LYG2: variants seen among roughly 807,000 people sequenced by gnomAD.
The protein encoded by LYG2 is lysozyme g-like protein 2.
In LYG2, 25 loss-of-function variants were observed where a neutral mutation model predicts 22.4. The observed-to-expected ratio is 1.12, with a 90% CI of 0.81 to 1.56. The LOEUF is 1.56. Ranked by LOEUF, LYG2 falls within the 40% of genes most tolerant of loss-of-function variation. The pLI is 0.00. For synonymous variants in LYG2, 88 were observed against 97.0 expected, an observed-to-expected ratio of 0.91 and a Z score of 0.55; for missense variants, 266 against 269.5, an observed-to-expected ratio of 0.99 and a Z score of 0.09.
rs774659511 is a variant in LYG2 at position 99,243,920 on chromosome 2, CAGGG to C, written c.520+75_520+78del. ...ACTGCTGACCCCGTGGAAATGCTCC[CAGGG>C]AGTCTCGGGTCACACTGGCCTTCAG... On this transcript the variant is annotated intron_variant, in intron 6 of 6. Coordinates refer to ENST00000333017, the MANE Select transcript of LYG2 (RefSeq NM_175735.4). 1.9e-6 allele frequency: 3 copies of C among 1,554,766 alleles called. No individual in the cohort carries two copies. The African/African-American group carries it at 4.1e-5, about 21-fold the overall frequency.
intron 6 of LYG2, chr2:99,243,559 G>T (rs2105269580): frequency 1.4e-6 from 2 of 1,405,266 alleles, no homozygotes; most frequent in Admixed American, 4.1e-5. Flanking sequence ...TTTGAGAGAT[G>T]GGGTCTCACT....
chr2:99,252,920 G>A (rs970245089), intron 3 of LYG2, among the ~76,000 whole-genome samples: 3 of 151,934 alleles, frequency 2.0e-5, no homozygotes, highest in South Asian at 2.1e-4. Context: ...GATGGTGGGC[G>A]CCTGTAGTCC....
At chr2:99,252,794 C>A (rs908997414) in intron 3 of LYG2, among the ~76,000 whole-genome samples, 1 of 151,794 alleles carries the variant, frequency 6.6e-6, no homozygotes, top group South Asian at 2.1e-4. Context: ...CACCTATAAT[C>A]CCAGCACTTT....
intron 3 of LYG2, among the ~76,000 whole-genome samples, chr2:99,247,099 TC>T (rs2094017369): frequency 6.6e-6 from 1 of 152,144 alleles, no homozygotes; most frequent in African/African-American, 2.4e-5. Flanking sequence ...TCTTTTTTTT[TC>T]CTTTTTTTAA....
chr2:99,245,472 A>G lies in LYG2; in HGVS notation c.185-14T>C, dbSNP rs371777267. ...AACCACGGATCCCTACGTCAATAGA[A>G]AAGAAACTGTTTTTCCGGGCATGGT... On this transcript the variant is annotated splice_polypyrimidine_tract_variant and intron_variant, in intron 4 of 6. Coordinates refer to ENST00000333017, the MANE Select transcript of LYG2 (RefSeq NM_175735.4). 3.9e-6 allele frequency: 6 copies of G among 1,557,206 alleles called. No homozygotes were observed. Among genetic ancestry groups the G allele is most frequent in the Non-Finnish European group, 5.3e-6 (6 of 1,138,668 alleles).
rs767758136 is a variant in LYG2 at position 99,242,320 on chromosome 2, C to CCAT, written c.*41_*43dup. On this transcript the variant is annotated 3_prime_UTR_variant, in exon 7 of 7. Transcript: ENST00000333017. ...ATTCACGTAAAACTCTCAAAGGCGG[C>CCAT]CATCTGAGCACTCTGCCAACCTGGC... 11 of 1,105,132 alleles carry CCAT rather than the reference C, an allele frequency of 1.0e-5. No individual in the cohort carries two copies. The highest frequency in any genetic ancestry group is 1.1e-5 in the Non-Finnish European group (8 of 744,556). The allele number at this position is 1,105,132 out of a possible 1,614,324, so 68.5% of individuals were successfully genotyped here.
At chr2:99,244,272 C>T in intron 5 of LYG2, 135 bp from the exon 6 acceptor site, 2 of 847,752 alleles carry the variant, frequency 2.4e-6, no homozygotes, top group Non-Finnish European at 1.8e-6. Context: ...ATTGTTCTTT[C>T]TTTCATATAG....
At chr2:99,260,872 T>A in the LYG2 span, among the ~76,000 whole-genome samples, 6 of 151,888 alleles carry the variant, frequency 4.0e-5, no homozygotes, top group Non-Finnish European at 4.4e-5. Context: ...ACTGAGGGAG[T>A]TATCTAATGA....
At chr2:99,249,717 C>T (rs185881878) in intron 3 of LYG2, among the ~76,000 whole-genome samples, 28 of 140,662 alleles carry the variant, frequency 2.0e-4, no homozygotes, top group South Asian at 4.8e-4. Flanking sequence ...GCCGAGATCG[C>T]GCCATTGCAC....
chr2:99,243,013 T>C (rs2094009106), intron 6 of LYG2, among the ~76,000 whole-genome samples: 1 of 152,244 alleles, frequency 6.6e-6, no homozygotes, highest in Non-Finnish European at 1.5e-5. Flanking sequence ...AACATAATTG[T>C]GCTCTGCTCT....
the LYG2 span, among the ~76,000 whole-genome samples, chr2:99,260,892 C>T: frequency 6.6e-6 from 1 of 152,066 alleles, no homozygotes. Flanking sequence ...ATTTTTAAGT[C>T]CTTTGTGAAA....
In LYG2 at chr2:99,244,071, C is replaced by G. The variant is rs1296087065; in HGVS notation, c.448G>C (p.Gly150Arg). ...GCCTTAATTCTCTCTGTTAGAATCCCAGTAGCCTGTGAAAGGTGCTCTTTG... is the reference window on the plus strand; with the variant it reads ...GCCTTAATTCTCTCTGTTAGAATCCGAGTAGCCTGTGAAAGGTGCTCTTTG... ...DSKEHLSQAT[G>R]ILTERIKAIQ... Residue 150 changes from glycine to arginine, a missense_variant, in exon 6 of 7, where the codon GGG becomes CGG. Physicochemically the swap from Gly to Arg is moderately radical, Grantham distance 125. Transcript: ENST00000333017. The G allele has an allele frequency of 1.1e-5, 18 of 1,614,034 alleles. No individual in the cohort carries two copies. The highest frequency in any genetic ancestry group is 1.5e-5 in the Non-Finnish European group (18 of 1,179,982).
chr2:99,246,749 A>G lies in LYG2; in HGVS notation c.115T>C (p.Cys39Arg). Residue 39 changes from cysteine (C) to arginine (R), a missense_variant, in exon 4 of 7, where the codon TGC becomes CGC. Coordinates refer to ENST00000333017, the MANE Select transcript of LYG2 (RefSeq NM_175735.4). ...TTCATGGTCATGATGTCCCCATAGCAGCCGTGGTACAGGCGTGGATGTAGG... is the reference window on the plus strand; with the variant it reads ...TTCATGGTCATGATGTCCCCATAGCGGCCGTGGTACAGGCGTGGATGTAGG... ...PHLHPRLYHGCYGDIMTMKTS... is the reference protein window; with the variant it reads ...PHLHPRLYHGRYGDIMTMKTS... 6.2e-7 allele frequency: 1 copy of G among 1,614,160 alleles called. No homozygotes were observed. Among genetic ancestry groups the G allele is most frequent in the Non-Finnish European group, 8.5e-7 (1 of 1,180,004 alleles).
upstream of LYG2, among the ~76,000 whole-genome samples, chr2:99,260,469 C>G (rs1400291870): frequency 6.6e-6 from 1 of 152,208 alleles, no homozygotes; most frequent in Non-Finnish European, 1.5e-5. Flanking sequence ...TCTCCCCTCC[C>G]TCTTCTCTCC....
At chr2:99,253,516 T>C (rs2094030872) in intron 3 of LYG2, among the ~76,000 whole-genome samples, 1 of 152,214 alleles carries the variant, frequency 6.6e-6, no homozygotes, top group Non-Finnish European at 1.5e-5. Flanking sequence ...TGAACATTGC[T>C]CATAATGGCT....
At chr2:99,246,249 G>A (rs71413822) in intron 4 of LYG2, among the ~76,000 whole-genome samples, 1 of 152,210 alleles carries the variant, frequency 6.6e-6, no homozygotes, top group Non-Finnish European at 1.5e-5. Flanking sequence ...GAGTCTTTGG[G>A]CTCTGATTTG....
chr2:99,243,390 C>T (rs1384069654), intron 6 of LYG2: 9 of 1,544,832 alleles, frequency 5.8e-6, no homozygotes, highest in Non-Finnish European at 7.9e-6. Context: ...TATATAGCAC[C>T]TGAAGTCCCG....
chr2:99,242,488 A>G lies in LYG2; in HGVS notation c.521-6T>C. 2 of 1,567,842 alleles carry G rather than the reference A, an allele frequency of 1.3e-6. No homozygotes were observed. The highest frequency in any genetic ancestry group is 1.8e-6 in the Non-Finnish European group (2 of 1,139,386). ...CTTAAAAGCTGAGAGACCACCTGAA[A>G]TGAAACACAGAGAATTAGGCTCAAA... On this transcript the variant is annotated splice_polypyrimidine_tract_variant and splice_region_variant and intron_variant, in intron 6 of 6. Coordinates refer to ENST00000333017, the MANE Select transcript of LYG2 (RefSeq NM_175735.4).
chr2:99,244,019 C>G lies in LYG2; in HGVS notation c.500G>C (p.Ser167Thr), dbSNP rs1449994036. 3 of 1,614,096 alleles carry G rather than the reference C, an allele frequency of 1.9e-6. No individual in the cohort carries two copies. In the South Asian group the frequency reaches 3.3e-5, roughly 18 times the overall value. The change falls in exon 6 of 7, where the codon AGT becomes ACT. Residue 167 changes from serine to threonine, a missense_variant. Coordinates refer to ENST00000333017, the MANE Select transcript of LYG2 (RefSeq NM_175735.4). ...CCTACCTTTGAGGTGCTGAGCAACA[C>G]TCCACGTGGGGAATTTTTTCTGGAT... The part of the protein sequence containing the change: ...KAIQKKFPTW[S>T]VAQHLKGGLS...
Sources: gnomAD v4.1 joint callset for allele counts (sites outside exome capture counted in the v4.1 genomes callset) on GRCh38, gnomAD v4.1.1 for gene constraint, MANE v1.5 for transcripts, NCBI Gene and HGNC (gene_info 2026-07-23, HGNC 2026-07-21) for gene names.